Variants in ESYT2 observed in about 807,000 individuals in gnomAD.
The protein encoded by ESYT2 is extended synaptotagmin-2.
In ESYT2, 54 loss-of-function variants were observed where a neutral mutation model predicts 107.2. The ratio of observed to expected loss-of-function variants is 0.50; its 90% CI spans 0.40 to 0.63. The LOEUF is 0.63. Ranked by LOEUF, ESYT2 falls within the 30% of genes least tolerant of loss-of-function variation. ESYT2 has a pLI of 0.00. For synonymous variants in ESYT2, 491 were observed against 434.1 expected (o/e 1.13, Z -1.63); for missense variants, 1,020 against 1,094.5 (o/e 0.93, Z 0.96).
At chr7:158,738,853 G>A (rs7803599) in intron 19 of ESYT2, among the ~76,000 whole-genome samples, 170 bp downstream of exon 19, 16,379 of 152,262 alleles carry the variant, frequency 0.11, 1,329 homozygotes, top group East Asian at 0.44. Flanking sequence ...TGTGACATAC[G>A]CAGTGGTGAC....
At chr7:158,742,759 C>T (rs935946902) in intron 17 of ESYT2, among the ~76,000 whole-genome samples, 1 of 152,238 alleles carries the variant, frequency 6.6e-6, no homozygotes, top group African/African-American at 2.4e-5. Flanking sequence ...GGAAATAACG[C>T]TGCGGTGAAC....
In ESYT2 at chr7:158,829,509, T is replaced by C. The variant is rs1840571091; in HGVS notation, c.-91A>G. Reference sequence around the variant, plus strand: ...GCTCAGCCCCGCGCCAGCGCCCCTCTGAGGGGACGCGGCTCCGCCGCACGC... The same window carrying C: ...GCTCAGCCCCGCGCCAGCGCCCCTCCGAGGGGACGCGGCTCCGCCGCACGC... On this transcript the variant is annotated 5_prime_UTR_variant, in exon 1 of 23. Coordinates refer to ENST00000275418, the MANE Select transcript of ESYT2 (RefSeq NM_001367773.1). 2 of 1,273,974 alleles carry C rather than the reference T, an allele frequency of 1.6e-6. No individual in the cohort carries two copies. The highest frequency in any genetic ancestry group is 2.0e-6 in the Non-Finnish European group (2 of 1,011,738). The allele number at this position is 1,273,974 out of a possible 1,614,324, so 78.9% of individuals were successfully genotyped here.
At position 158,788,376 on chromosome 7, in the gene ESYT2, T is replaced by C. The variant is rs1388230762; in HGVS notation, c.626A>G (p.Tyr209Cys). 1 of 1,611,542 alleles carries C rather than the reference T, an allele frequency of 6.2e-7. No homozygotes were observed. The highest frequency in any genetic ancestry group is 1.3e-5 in the African/African-American group (1 of 74,826). The change falls in exon 5 of 23, where the codon TAT becomes TGT. Residue 209 changes from tyrosine (Y) to cysteine (C), a missense_variant. Physicochemically the swap from Tyr to Cys is radical, Grantham distance 194. Transcript: ENST00000275418. ...ACTTTTCACACCAGCTCTACAAAAA[T>C]ATCGTTTGATCTCCAAATCAATCTC... ...NCEIDLEIKR[Y>C]FCRAGVKSIQ...
At chr7:158,766,431 G>A (rs948411981) in intron 8 of ESYT2, among the ~76,000 whole-genome samples, 1 of 152,136 alleles carries the variant, frequency 6.6e-6, no homozygotes, top group Non-Finnish European at 1.5e-5. Context: ...TACAAGTAAA[G>A]GGATTCCTGC....
chr7:158,818,810 C>G (rs111545784), intron 1 of ESYT2, among the ~76,000 whole-genome samples: 1 of 152,228 alleles, frequency 6.6e-6, no homozygotes, highest in Non-Finnish European at 1.5e-5. Context: ...TCTCAGGGCG[C>G]AACCCACACC....
intron 21 of ESYT2, among the ~76,000 whole-genome samples, chr7:158,735,026 G>T (rs1181735180): frequency 6.6e-6 from 1 of 152,302 alleles, no homozygotes; most frequent in East Asian, 1.9e-4. Context: ...CGGAATATCA[G>T]CGGAGATGAC....
intron 13 of ESYT2, among the ~76,000 whole-genome samples, chr7:158,756,917 A>T (rs905043351): frequency 0.01 from 1,489 of 148,048 alleles, 19 homozygotes; most frequent in African/African-American, 0.035. Context: ...CTCAAATTAA[A>T]AAAAAAAAAA....
intron 8 of ESYT2, among the ~76,000 whole-genome samples, chr7:158,765,121 C>T (rs1838108079): frequency 6.6e-6 from 1 of 152,036 alleles, no homozygotes; most frequent in African/African-American, 2.4e-5. Flanking sequence ...AGGGACAACC[C>T]CTCCACAGAG....
At position 158,756,187 on chromosome 7, in the gene ESYT2, G is replaced by T. The variant is rs183693217; in HGVS notation, c.1419+3299C>A. Among the ~76,000 whole-genome samples, 16 of 152,248 alleles carry T rather than the reference G, an allele frequency of 1.1e-4. No homozygotes were observed. The East Asian group carries it at 2.9e-3, about 28-fold the overall frequency. ...AAAGCGCTATCACTGCTCTACTAAG[G>T]GACAACTGGGCCGTAAGAATCTCAC... On this transcript the variant is annotated intron_variant, in intron 13 of 22. Transcript: ENST00000275418.
Position 158,734,144 on chromosome 7 carries a change from G to A in ESYT2, c.*63C>T. ...AAAAATAACATTGGTACGTCTGTGA[G>A]AGGGTGTGTTCCGGGTAGAGGTGGA... On this transcript the variant is annotated 3_prime_UTR_variant, in exon 23 of 23. Transcript: ENST00000275418. 1 of 1,541,034 alleles carries A rather than the reference G, an allele frequency of 6.5e-7. No homozygotes were observed. The highest frequency in any genetic ancestry group is 9.0e-7 in the Non-Finnish European group (1 of 1,115,208).
chr7:158,819,208 T>C (rs184684036), intron 1 of ESYT2, among the ~76,000 whole-genome samples: 13 of 152,310 alleles, frequency 8.5e-5, no homozygotes, highest in African/African-American at 3.1e-4. Context: ...TTTAACAACA[T>C]ACCATGCAAA....
intron 20 of ESYT2, among the ~76,000 whole-genome samples, chr7:158,736,242 C>CG (rs1304374073): frequency 6.6e-6 from 1 of 152,176 alleles, no homozygotes; most frequent in Non-Finnish European, 1.5e-5. Context: ...GGCTGATGCA[C>CG]GCCTGCCAGT....
At chr7:158,797,175 C>T (rs1473055966) in intron 3 of ESYT2, among the ~76,000 whole-genome samples, 1 of 152,164 alleles carries the variant, frequency 6.6e-6, no homozygotes, top group Non-Finnish European at 1.5e-5. Context: ...GAAATAGGGT[C>T]TCGCTCTGTC....
At chr7:158,825,165 C>T (rs982455314) in intron 1 of ESYT2, among the ~76,000 whole-genome samples, 2 of 152,106 alleles carry the variant, frequency 1.3e-5, no homozygotes, top group Non-Finnish European at 2.9e-5. Flanking sequence ...TGGTGACGGG[C>T]GCCTGTACTC....
intron 1 of ESYT2, among the ~76,000 whole-genome samples, chr7:158,806,474 T>TATTAG (rs979899856): frequency 6.6e-5 from 10 of 152,184 alleles, no homozygotes; most frequent in African/African-American, 2.4e-5. Flanking sequence ...ATGCGTGAAA[T>TATTAG]ATTAGGAGAA....
chr7:158,796,323 A>G (rs1205564948), intron 3 of ESYT2, among the ~76,000 whole-genome samples: 1 of 148,896 alleles, frequency 6.7e-6, no homozygotes, highest in Non-Finnish European at 1.5e-5. Context: ...GCTTTTATGA[A>G]AGGTGGTATT....
intron 6 of ESYT2, among the ~76,000 whole-genome samples, chr7:158,781,457 AGAACAAAGTGTGAGAG>A (rs1838803481): frequency 2.0e-5 from 3 of 150,700 alleles, no homozygotes; most frequent in Non-Finnish European, 4.5e-5. Flanking sequence ...AGTGATTGTG[AGAACAAAGTGTGAGAG>A]GTGTGAGTGT....
At chr7:158,740,214 A>T (rs1837142427) in intron 18 of ESYT2, among the ~76,000 whole-genome samples, 1 of 152,162 alleles carries the variant, frequency 6.6e-6, no homozygotes, top group African/African-American at 2.4e-5. Flanking sequence ...TGCGGCATTC[A>T]CAGCTCCTCC....
chr7:158,767,746 T>C lies in ESYT2; in HGVS notation c.832A>G (p.Ile278Val), dbSNP rs535480730. ...GGAAGCACCAGATAGTTTGATATTA[T>C]ATCCAAAATGATAGTATCTGATAAA... ...NGLSDTIILD[I>V]ISNYLVLPNR... The change falls in exon 8 of 23, where the codon ATA (isoleucine) becomes GTA (valine). Residue 278 changes from isoleucine (I) to valine (V), a missense_variant. By Grantham distance (29) the Ile-to-Val change is conservative. Coordinates refer to ENST00000275418, the MANE Select transcript of ESYT2 (RefSeq NM_001367773.1). 3 of 1,613,180 alleles carry C rather than the reference T, an allele frequency of 1.9e-6. No homozygotes were observed. The highest frequency in any genetic ancestry group is 2.2e-5 in the South Asian group (2 of 90,832).
Sources: gnomAD v4.1 joint callset for allele counts (sites outside exome capture counted in the v4.1 genomes callset) on GRCh38, gnomAD v4.1.1 for gene constraint, MANE v1.5 for transcripts, NCBI Gene and HGNC (gene_info 2026-07-23, HGNC 2026-07-21) for gene names.